FBN1: variants seen among roughly 807,000 people sequenced by gnomAD.
FBN1 encodes the protein fibrillin 1, also known as fibrillin-1.
Under a neutral mutation model 365.1 loss-of-function variants are expected in FBN1, and 29 were observed. That is an observed-to-expected ratio of 0.08 (90% confidence interval 0.06 to 0.11). The LOEUF is 0.11. FBN1 is among the 10% of genes least tolerant of loss of function. The pLI, the probability that FBN1 is intolerant of heterozygous loss-of-function variation, is 1.00. For synonymous variants in FBN1, 1,210 were observed against 1,270.5 expected (o/e 0.95, Z 1.01); for missense variants, 2,476 against 3,703.2 (o/e 0.67, Z 8.60).
intron 2 of FBN1, among the ~76,000 whole-genome samples, chr15:48,640,350 G>A (rs571047436): frequency 6.6e-5 from 10 of 152,086 alleles, no homozygotes; most frequent in Non-Finnish European, 1.5e-5. Flanking sequence ...CAATATTTTA[G>A]CTTAATCTTT....
Position 48,474,548 on chromosome 15 carries a change from C to G in FBN1, c.4067G>C (p.Gly1356Ala). ...CTCACCAGTGCACTTAATGCCATCT[C>G]CAATCCACCCGGGACTGCAGCTACA... is the stretch of plus-strand genomic sequence containing the variant. ...FKCSCSPGWIGDGIKCTDLDE... is the reference protein window; with the variant it reads ...FKCSCSPGWIADGIKCTDLDE... The change falls in exon 33 of 66, where the codon GGA becomes GCA. Residue 1356 changes from glycine to alanine, a missense_variant. Around this residue, in one of 5 missense-constraint regions of FBN1, gnomAD observed 1,780 missense variants for 2,840.8 expected, o/e 0.63. Coordinates refer to ENST00000316623, the MANE Select transcript of FBN1 (RefSeq NM_000138.5). 1.9e-6 allele frequency: 3 copies of G among 1,614,204 alleles called. No individual in the cohort carries two copies. The highest frequency in any genetic ancestry group is 2.5e-6 in the Non-Finnish European group (3 of 1,180,018).
rs139974449 is a variant in FBN1, at chr15:48,424,630, G to C, written c.7453+739C>G. ...AATTTCCTTCAAAGTTTCATGGCAT[G>C]ACATGATATCTCTTGCTCTACCACT... On this transcript the variant is annotated intron_variant, in intron 60 of 65. Transcript: ENST00000316623. Among the ~76,000 whole-genome samples, 12 of 152,310 alleles carry C rather than the reference G, an allele frequency of 7.9e-5. No homozygotes were observed. In the East Asian group the frequency reaches 2.3e-3, roughly 29 times the overall value.
intron 62 of FBN1, 39 bp from the exon 63 acceptor site, chr15:48,420,845 ATC>A: frequency 6.2e-7 from 1 of 1,611,510 alleles, no homozygotes; most frequent in Non-Finnish European, 8.5e-7. Context: ...CCAACTCAAC[ATC>A]TCTCTCTGAA....
In FBN1 at chr15:48,420,671, A is replaced by T; in HGVS notation, c.7819+16T>A. 1.9e-6 allele frequency: 3 copies of T among 1,614,068 alleles called. No homozygotes were observed. Among genetic ancestry groups the T allele is most frequent in the Non-Finnish European group, 2.5e-6 (3 of 1,179,970 alleles). On this transcript the variant is annotated intron_variant, in intron 63 of 65. Coordinates refer to ENST00000316623, the MANE Select transcript of FBN1 (RefSeq NM_000138.5). ...CTGATAGCCATGCATCTTGAGAGTG[A>T]GGAAAAGTTACTTGCCAACACACTG...
chr15:48,498,843 G>T, intron 18 of FBN1, 142 bp downstream of exon 18: 2 of 858,956 alleles, frequency 2.3e-6, no homozygotes, highest in Non-Finnish European at 2.0e-6. Context: ...AGGCTTCTGA[G>T]CATCCCAGAT....
intron 50 of FBN1, among the ~76,000 whole-genome samples, chr15:48,438,805 C>T (rs2043091927): frequency 6.6e-6 from 1 of 152,176 alleles, no homozygotes; most frequent in Non-Finnish European, 1.5e-5. Context: ...TTTTCCATTT[C>T]TCATACAACA....
chr15:48,562,502 T>C (rs2044230499), intron 6 of FBN1, among the ~76,000 whole-genome samples: 1 of 152,198 alleles, frequency 6.6e-6, no homozygotes, highest in Non-Finnish European at 1.5e-5. Context: ...ATGAACGTTT[T>C]AGGTGTCGCC....
chr15:48,629,699 A>G (rs1311451701), intron 2 of FBN1, among the ~76,000 whole-genome samples: 1 of 152,252 alleles, frequency 6.6e-6, no homozygotes, highest in Non-Finnish European at 1.5e-5. Flanking sequence ...CCATTAATTG[A>G]TAAATGCTGA....
At chr15:48,437,161 A>G (rs1157091478) in intron 52 of FBN1, 84 bp from the exon 53 acceptor site, 10 of 1,177,586 alleles carry the variant, frequency 8.5e-6, no homozygotes, top group Non-Finnish European at 3.8e-6. Context: ...TGTTTAATCA[A>G]AAGATTATCT....
chr15:48,575,978 A>G (rs2044343753), intron 6 of FBN1, among the ~76,000 whole-genome samples: 1 of 152,240 alleles, frequency 6.6e-6, no homozygotes, highest in Admixed American at 6.5e-5. Flanking sequence ...TGACATATCA[A>G]GCTGGGAAGG....
At chr15:48,523,528 A>C (rs2141339819) in intron 9 of FBN1, among the ~76,000 whole-genome samples, 1 of 152,338 alleles carries the variant, frequency 6.6e-6, no homozygotes, top group East Asian at 1.9e-4. Flanking sequence ...TTTTTTGCTG[A>C]AGAAGCACCT....
At chr15:48,412,487 G>T in intron 65 of FBN1, 82 bp downstream of exon 65, 1 of 1,474,146 alleles carries the variant, frequency 6.8e-7, no homozygotes. Context: ...TCACACTTTG[G>T]AGCATCCTTG....
chr15:48,530,233 CG>C (rs1469224412), intron 8 of FBN1, among the ~76,000 whole-genome samples: 1 of 140,274 alleles, frequency 7.1e-6, no homozygotes, highest in African/African-American at 2.6e-5. Context: ...CTGCATCCGC[CG>C]CCTGATCACA....
intron 6 of FBN1, among the ~76,000 whole-genome samples, chr15:48,551,486 T>C (rs1186426552): frequency 6.6e-6 from 1 of 151,968 alleles, no homozygotes; most frequent in African/African-American, 2.4e-5. Flanking sequence ...AGTCCAAGCC[T>C]GGATTCATGA....
Position 48,411,124 on chromosome 15 carries a change from A to C in FBN1, c.8482T>G (p.Ser2828Ala). The C allele has an allele frequency of 6.2e-7, 1 of 1,614,118 alleles. No homozygotes were observed. The highest frequency in any genetic ancestry group is 8.5e-7 in the Non-Finnish European group (1 of 1,180,014). ...TKKKPVAGTYSLQISSTPLYK... is the reference protein window; with the variant it reads ...TKKKPVAGTYALQISSTPLYK... ...AGTGGAGTACTACTGATTTGTAATG[A>C]ATAGGTTCCAGCCACTGGCTTCTTC... The change falls in exon 66 of 66, where the codon TCA becomes GCA. Residue 2828 changes from serine (S) to alanine (A), a missense_variant. Physicochemically the swap from Ser to Ala is moderately conservative, Grantham distance 99. Around this residue, in one of 5 missense-constraint regions of FBN1, gnomAD observed 177 missense variants for 192.7 expected, o/e 0.92. Transcript: ENST00000316623.
intron 43 of FBN1, 110 bp from the exon 44 acceptor site, chr15:48,456,872 G>GTGTGTGCGCA: frequency 9.1e-7 from 1 of 1,101,436 alleles, no homozygotes; most frequent in Non-Finnish European, 1.4e-6. Context: ...GTGTGTGTGT[G>GTGTGTGCGCA]CGTGCATGTG....
In FBN1 at chr15:48,585,507, A is replaced by G. The variant is rs1435211147; in HGVS notation, c.538+10776T>C. Among the ~76,000 whole-genome samples, 6 of 152,198 alleles carry G rather than the reference A, an allele frequency of 3.9e-5. No individual in the cohort carries two copies. In the South Asian group the frequency reaches 6.2e-4, roughly 16 times the overall value. ...TAGATTTATAAATATTGTTGTCCAGAATGTCTTTTCTTAGAATGTTGGATT... is the reference window on the plus strand; with the variant it reads ...TAGATTTATAAATATTGTTGTCCAGGATGTCTTTTCTTAGAATGTTGGATT... On this transcript the variant is annotated intron_variant, in intron 6 of 65. Coordinates refer to ENST00000316623, the MANE Select transcript of FBN1 (RefSeq NM_000138.5).
intron 38 of FBN1, 64 bp from the exon 39 acceptor site, chr15:48,465,922 A>G: frequency 9.1e-7 from 1 of 1,101,408 alleles, no homozygotes; most frequent in Admixed American, 1.7e-5. Context: ...TAGTATCCTC[A>G]AGAGAAATAC....
intron 63 of FBN1, among the ~76,000 whole-genome samples, chr15:48,419,365 T>C (rs1203884158): frequency 6.6e-6 from 1 of 152,128 alleles, no homozygotes; most frequent in East Asian, 1.9e-4. Flanking sequence ...TTTCCTCTCT[T>C]ATGTTTTTTT....
Sources: allele counts gnomAD v4.1 joint callset (sites outside exome capture counted in the v4.1 genomes callset), GRCh38; gene constraint gnomAD v4.1.1; regional missense constraint gnomAD v4.1.1; transcripts MANE v1.5; gene names NCBI Gene and HGNC (gene_info 2026-07-23, HGNC 2026-07-21).